CASD1: variants seen among roughly 807,000 people sequenced by gnomAD.
The protein encoded by CASD1 is CAS1 domain sialic acid O acetyltransferase 1.
In CASD1, 41 loss-of-function variants were observed where a neutral mutation model predicts 100.0. The ratio of observed to expected loss-of-function variants is 0.41; its 90% CI spans 0.32 to 0.53. The LOEUF is 0.53. Among genes scored for constraint, CASD1 ranks in the 20% least tolerant of loss-of-function variants. The pLI, the probability that CASD1 is intolerant of heterozygous loss-of-function variation, is 0.25. For missense variants in CASD1, 774 were observed against 948.7 expected (o/e 0.82, Z 2.42); for synonymous variants, 321 against 315.6 (o/e 1.02, Z -0.18).
the CASD1 span, among the ~76,000 whole-genome samples, chr7:94,607,917 G>A: frequency 6.6e-6 from 1 of 152,172 alleles, no homozygotes; most frequent in Non-Finnish European, 1.5e-5. Flanking sequence ...CAACGTTGCA[G>A]GAATCAGTAA....
chr7:94,603,424 G>T, the CASD1 span: 1 of 1,613,124 alleles, frequency 6.2e-7, no homozygotes, highest in Non-Finnish European at 8.5e-7. Flanking sequence ...GAAGAAAACG[G>T]GACATCTGCA....
intron 1 of CASD1, among the ~76,000 whole-genome samples, chr7:94,510,656 C>T (rs1222595677): frequency 1.3e-5 from 2 of 152,226 alleles, no homozygotes; most frequent in African/African-American, 4.8e-5. Context: ...AGTGGGGTCG[C>T]AGGTCCTGCC....
At chr7:94,624,975 C>T in the CASD1 span, 1 of 150,802 alleles carries the variant, frequency 6.6e-6, no homozygotes, top group African/African-American at 2.5e-5. Flanking sequence ...TTAATTTTAA[C>T]AGCTATAACA....
the CASD1 span, among the ~76,000 whole-genome samples, chr7:94,592,044 C>T: frequency 6.6e-6 from 1 of 152,156 alleles, no homozygotes; most frequent in Non-Finnish European, 1.5e-5. Context: ...GATTCAACAT[C>T]CCCTGATTGG....
chr7:94,633,411 A>C, the CASD1 span, among the ~76,000 whole-genome samples: 1 of 152,150 alleles, frequency 6.6e-6, no homozygotes. Flanking sequence ...AGAGAGCCAA[A>C]GGGTTATGTA....
chr7:94,544,679 T>A (rs1315174031), intron 11 of CASD1, 149 bp downstream of exon 11: 2 of 741,472 alleles, frequency 2.7e-6, no homozygotes, highest in African/African-American at 1.8e-5. Flanking sequence ...TTCTGTGTTC[T>A]GTGTTTAGTA....
chr7:94,543,411 T>C (rs921829599), intron 10 of CASD1, among the ~76,000 whole-genome samples: 6 of 152,162 alleles, frequency 3.9e-5, no homozygotes, highest in African/African-American at 1.4e-4. Flanking sequence ...CTCAGCACTT[T>C]GGGAGGCCGA....
the CASD1 span, among the ~76,000 whole-genome samples, chr7:94,607,449 A>G: frequency 9.2e-5 from 14 of 152,358 alleles, no homozygotes; most frequent in Non-Finnish European, 1.8e-4. Flanking sequence ...AAAAGGAATT[A>G]TACACAATGA....
In CASD1 at chr7:94,544,497, A is replaced by G. The variant is rs540496822; in HGVS notation, c.1443A>G (p.Ile481Met). 140 of 1,613,092 alleles carry G rather than the reference A, an allele frequency of 8.7e-5. 2 individuals are homozygous for G. In the South Asian group the frequency reaches 1.5e-3, roughly 18 times the overall value. ...ATGGGCATTTCTCATACTTTTGGAT[A>G]AAAGGAGATTTTGGAATCTATAGAG... ...TGYGHFSYFW[I>M]KGDFGIYRVC... The change falls in exon 11 of 18, where the codon ATA becomes ATG. Residue 481 changes from isoleucine (I) to methionine (M), a missense_variant. Ile to Met is a conservative substitution (Grantham distance 10). This residue lies in a region of CASD1 where 453 missense variants were observed against 532.6 expected (regional missense o/e 0.85). Coordinates refer to ENST00000297273, the MANE Select transcript of CASD1 (RefSeq NM_022900.5).
At chr7:94,575,888 T>C in the CASD1 span, among the ~76,000 whole-genome samples, 1 of 152,226 alleles carries the variant, frequency 6.6e-6, no homozygotes, top group Non-Finnish European at 1.5e-5. Context: ...GAATTACATT[T>C]TTCTTGCTGC....
At chr7:94,548,182 T>C (rs1584429232) in intron 13 of CASD1, among the ~76,000 whole-genome samples, 1 of 151,774 alleles carries the variant, frequency 6.6e-6, no homozygotes, top group African/African-American at 2.4e-5. Flanking sequence ...AGGTTCAATA[T>C]AAGGATTAAG....
chr7:94,618,807 G>A, the CASD1 span: 1 of 1,614,030 alleles, frequency 6.2e-7, no homozygotes, highest in Non-Finnish European at 8.5e-7. Flanking sequence ...CCCCTGTCTA[G>A]GGCCGATGTG....
the CASD1 span, among the ~76,000 whole-genome samples, chr7:94,601,763 GAACT>G: frequency 1.1e-4 from 16 of 152,042 alleles, no homozygotes; most frequent in African/African-American, 3.4e-4. Context: ...TTAAAAATGA[GAACT>G]AAATATGAAT....
chr7:94,524,856 T>A (rs1192179659), intron 3 of CASD1, among the ~76,000 whole-genome samples: 2 of 152,084 alleles, frequency 1.3e-5, no homozygotes, highest in African/African-American at 4.8e-5. Context: ...TTAAGAGATG[T>A]GACAACTAAA....
chr7:94,529,246 A>G (rs1339811551), intron 5 of CASD1, among the ~76,000 whole-genome samples: 2 of 152,196 alleles, frequency 1.3e-5, no homozygotes, highest in African/African-American at 4.8e-5. Context: ...TGGACTGAAA[A>G]TGTATTTATT....
chr7:94,609,336 C>T, the CASD1 span, among the ~76,000 whole-genome samples: 7 of 152,154 alleles, frequency 4.6e-5, no homozygotes, highest in Admixed American at 6.5e-5. Context: ...AGACCAGCCT[C>T]GCCAAAATGG....
chr7:94,515,577 A>G (rs1001834467), intron 1 of CASD1, among the ~76,000 whole-genome samples: 21 of 152,112 alleles, frequency 1.4e-4, no homozygotes, highest in African/African-American at 4.6e-4. Flanking sequence ...TTATTTTGAG[A>G]TACTGGTATG....
chr7:94,589,119 G>T, the CASD1 span: 1 of 228,440 alleles, frequency 4.4e-6, no homozygotes, highest in Non-Finnish European at 8.8e-6. Flanking sequence ...TACACTTTCA[G>T]ATCCAGATCA....
the CASD1 span, among the ~76,000 whole-genome samples, chr7:94,604,412 A>G: frequency 1.3e-5 from 2 of 150,446 alleles, no homozygotes; most frequent in African/African-American, 4.9e-5. Context: ...CAGAATAGCC[A>G]TACACACACA....
Sources: allele counts gnomAD v4.1 joint callset (sites outside exome capture counted in the v4.1 genomes callset), GRCh38; gene constraint gnomAD v4.1.1; regional missense constraint gnomAD v4.1.1; transcripts MANE v1.5; gene names NCBI Gene and HGNC (gene_info 2026-07-23, HGNC 2026-07-21).